RBFOX1: variants seen among roughly 807,000 people sequenced by gnomAD.
RBFOX1 encodes RNA binding protein fox-1 homolog 1.
RBFOX1 carries 8 observed loss-of-function variants against 57.7 expected under a neutral mutation model. The observed-to-expected ratio is 0.14, with a 90% CI of 0.08 to 0.25. The LOEUF is 0.25. RBFOX1 is among the 10% of genes least tolerant of loss of function. The pLI is 1.00. For missense variants in RBFOX1, 611 were observed against 548.5 expected, an observed-to-expected ratio of 1.11 and a Z score of -1.14; for synonymous variants, 326 against 222.4, an observed-to-expected ratio of 1.47 and a Z score of -4.15.
intron 3 of RBFOX1, among the ~76,000 whole-genome samples, chr16:7,013,986 C>A (rs1167338504): frequency 1.3e-5 from 2 of 152,010 alleles, no homozygotes; most frequent in Non-Finnish European, 2.9e-5. Context: ...TTCCGTACGT[C>A]AGTATTCTCA....
chr16:5,823,185 G>C (rs1468292494), intron 3 of RBFOX1, among the ~76,000 whole-genome samples: 2 of 152,162 alleles, frequency 1.3e-5, no homozygotes, highest in African/African-American at 4.8e-5. Context: ...AGGGCAGTCG[G>C]ATACTGACGC....
intron 13 of RBFOX1, among the ~76,000 whole-genome samples, chr16:7,666,666 C>T (rs1423752357): frequency 6.6e-6 from 1 of 152,048 alleles, no homozygotes; most frequent in Non-Finnish European, 1.5e-5. Flanking sequence ...GTGTCTGTAT[C>T]GATTGGGGCA....
chr16:5,562,063 G>A (rs1597539446), intron 2 of RBFOX1, among the ~76,000 whole-genome samples: 2 of 152,158 alleles, frequency 1.3e-5, no homozygotes, highest in Non-Finnish European at 2.9e-5. Context: ...TCCAGGGTGA[G>A]ACGCTTTGAA....
At chr16:6,892,768 CTG>C (rs1276595316) in intron 3 of RBFOX1, among the ~76,000 whole-genome samples, 10 of 98,392 alleles carry the variant, frequency 1.0e-4, no homozygotes, top group Non-Finnish European at 1.7e-4. Flanking sequence ...CAAAGCCTCC[CTG>C]TCTCCCTCTC....
intron 3 of RBFOX1, among the ~76,000 whole-genome samples, chr16:5,784,357 G>T (rs2054427360): frequency 6.6e-6 from 1 of 152,106 alleles, no homozygotes; most frequent in Non-Finnish European, 1.5e-5. Context: ...AACCCAGGAG[G>T]CGGAGCTTGC....
chr16:6,029,130 C>G (rs1596499249), intron 1 of RBFOX1, among the ~76,000 whole-genome samples: 1 of 152,152 alleles, frequency 6.6e-6, no homozygotes, highest in South Asian at 2.1e-4. Context: ...TAGCCTCTCA[C>G]CCCATGACTC....
chr16:6,203,813 A>G lies in RBFOX1; in HGVS notation c.-126-113182A>G, dbSNP rs553520569. The stretch of plus-strand genomic sequence containing the variant: ...TTGGAGGTGGCTCAAAAACTTAAAA[A>G]TAGAAATACATCTGATGCAGCAGTC... On this transcript the variant is annotated intron_variant, in intron 1 of 15. Transcript: ENST00000550418. Among the ~76,000 whole-genome samples the G allele has an allele frequency of 1.1e-4, 17 of 152,294 alleles. No individual in the cohort carries two copies. In the South Asian group the frequency reaches 3.5e-3, roughly 32 times the overall value.
At chr16:7,052,027 C>A (rs2050262349) in intron 3 of RBFOX1, 30 bp from the exon 4 acceptor site, 1 of 1,562,790 alleles carries the variant, frequency 6.4e-7, no homozygotes, top group African/African-American at 1.4e-5. Flanking sequence ...AGCCTTCTGA[C>A]TTTTCCCCTT....
intron 3 of RBFOX1, among the ~76,000 whole-genome samples, chr16:6,726,888 C>T (rs944494175): frequency 8.6e-5 from 13 of 151,990 alleles, no homozygotes; most frequent in Admixed American, 2.6e-4. Flanking sequence ...ATTGGCTGTG[C>T]TATAAATGGC....
chr16:5,752,048 T>C (rs188007958), intron 3 of RBFOX1, among the ~76,000 whole-genome samples: 1 of 152,212 alleles, frequency 6.6e-6, no homozygotes, highest in African/African-American at 2.4e-5. Context: ...GCAGATTGGA[T>C]AGAGAAAATG....
intron 4 of RBFOX1, among the ~76,000 whole-genome samples, chr16:7,291,737 C>T (rs1044939519): frequency 2.0e-5 from 3 of 151,684 alleles, no homozygotes; most frequent in African/African-American, 2.4e-5. Context: ...GAGATGCAGC[C>T]TGTGAGGAGA....
At chr16:6,976,822 C>T (rs1046163318) in intron 3 of RBFOX1, among the ~76,000 whole-genome samples, 6 of 141,506 alleles carry the variant, frequency 4.2e-5, no homozygotes, top group African/African-American at 1.6e-4. Flanking sequence ...TGATCTAGAT[C>T]ATATATAATG....
At chr16:6,256,196 T>A in intron 1 of RBFOX1, among the ~76,000 whole-genome samples, 1 of 19,418 alleles carries the variant, frequency 5.1e-5, no homozygotes, top group African/African-American at 1.1e-4. Context: ...CGTATATATA[T>A]GTATATGTAT....
chr16:5,909,349 C>T (rs183073371), intron 4 of RBFOX1, among the ~76,000 whole-genome samples: 21 of 152,240 alleles, frequency 1.4e-4, no homozygotes, highest in African/African-American at 5.1e-4. Flanking sequence ...GCCTTGGCCT[C>T]CCAAAGTGCT....
chr16:5,988,658 T>G (rs1256036474), intron 4 of RBFOX1, among the ~76,000 whole-genome samples: 1 of 152,156 alleles, frequency 6.6e-6, no homozygotes, highest in Non-Finnish European at 1.5e-5. Flanking sequence ...ACCTGCCTGA[T>G]CATGAGTGAG....
At chr16:7,504,715 A>T (rs1227175856) in intron 4 of RBFOX1, among the ~76,000 whole-genome samples, 1 of 5,052 alleles carries the variant, frequency 2.0e-4, no homozygotes, top group African/African-American at 6.5e-4. Context: ...GAGATTATAT[A>T]TATATATATA....
chr16:5,399,933 C>T (rs1006523601), intron 1 of RBFOX1, among the ~76,000 whole-genome samples: 2 of 151,884 alleles, frequency 1.3e-5, no homozygotes, highest in African/African-American at 4.8e-5. Context: ...AATTCGTGAA[C>T]CCAACAACCC....
At chr16:6,986,457 C>T (rs1393144166) in intron 3 of RBFOX1, among the ~76,000 whole-genome samples, 1 of 152,136 alleles carries the variant, frequency 6.6e-6, no homozygotes, top group East Asian at 1.9e-4. Flanking sequence ...CCTCAGCCTC[C>T]CAAAGTGCTG....
At chr16:6,968,348 C>T (rs1246302921) in intron 3 of RBFOX1, among the ~76,000 whole-genome samples, 2 of 152,152 alleles carry the variant, frequency 1.3e-5, no homozygotes, top group Non-Finnish European at 2.9e-5. Flanking sequence ...CATTTCTTTT[C>T]CTTCTTTTTT....
Sources: allele counts gnomAD v4.1 joint callset (sites outside exome capture counted in the v4.1 genomes callset), GRCh38; gene constraint gnomAD v4.1.1; transcripts MANE v1.5; gene names NCBI Gene and HGNC (gene_info 2026-07-23, HGNC 2026-07-21).